CGGBP1: variants seen among roughly 807,000 people sequenced by gnomAD.
CGGBP1 encodes the protein CGG triplet repeat-binding protein 1.
CGGBP1 carries 4 observed loss-of-function variants against 11.4 expected under a neutral mutation model. The ratio of observed to expected loss-of-function variants is 0.35; its 90% CI spans 0.17 to 0.80. The LOEUF is 0.80. Among genes scored for constraint, CGGBP1 ranks in the 30% least tolerant of loss-of-function variants. CGGBP1 has a pLI of 0.52. For missense variants in CGGBP1, 135 were observed against 202.1 expected, an observed-to-expected ratio of 0.67 and a Z score of 2.01; for synonymous variants, 76 against 74.1, an observed-to-expected ratio of 1.03 and a Z score of -0.13.
chr3:88,108,701 G>A (rs1704897271), intron 2 of CGGBP1, among the ~76,000 whole-genome samples: 1 of 152,084 alleles, frequency 6.6e-6, no homozygotes, highest in East Asian at 1.9e-4. Context: ...CACAGTGCTT[G>A]TGTTCAGGTA....
intron 2 of CGGBP1, among the ~76,000 whole-genome samples, chr3:88,137,612 G>A (rs1559734880): frequency 6.6e-6 from 1 of 152,096 alleles, no homozygotes; most frequent in Non-Finnish European, 1.5e-5. Context: ...ATTCTTGGTG[G>A]AAAGAATGGG....
intron 2 of CGGBP1, among the ~76,000 whole-genome samples, chr3:88,077,810 G>C (rs184653318): frequency 2.5e-3 from 388 of 152,220 alleles, no homozygotes; most frequent in African/African-American, 9.1e-3. Flanking sequence ...GTTATTTACT[G>C]TGTGTTTAAT....
At chr3:88,102,723 C>A (rs1159174170) in intron 2 of CGGBP1, among the ~76,000 whole-genome samples, 2 of 151,376 alleles carry the variant, frequency 1.3e-5, no homozygotes, top group Non-Finnish European at 2.9e-5. Flanking sequence ...AACTTCTAAC[C>A]GGTTTTACTC....
intron 2 of CGGBP1, among the ~76,000 whole-genome samples, chr3:88,097,950 A>G (rs1231539174): frequency 6.6e-6 from 1 of 152,206 alleles, no homozygotes; most frequent in East Asian, 1.9e-4. Context: ...AACAAATTCA[A>G]AAGCTAGCAG....
chr3:88,111,653 A>G (rs1311558314), intron 2 of CGGBP1, among the ~76,000 whole-genome samples: 2 of 151,944 alleles, frequency 1.3e-5, no homozygotes, highest in Non-Finnish European at 2.9e-5. Context: ...TGTAATGTAT[A>G]TTGTTGTTTC....
intron 2 of CGGBP1, among the ~76,000 whole-genome samples, chr3:88,131,522 C>T (rs1197075821): frequency 2.6e-5 from 4 of 152,126 alleles, no homozygotes; most frequent in Non-Finnish European, 4.4e-5. Flanking sequence ...TACACAAACA[C>T]ACACACAAAC....
intron 2 of CGGBP1, among the ~76,000 whole-genome samples, chr3:88,076,837 T>G (rs1707830623): frequency 6.6e-6 from 1 of 152,188 alleles, no homozygotes; most frequent in Admixed American, 6.5e-5. Context: ...GACCTGCTAT[T>G]CATAAGAGGA....
At chr3:88,128,047 CCAG>C (rs1706224651) in intron 2 of CGGBP1, among the ~76,000 whole-genome samples, 1 of 152,078 alleles carries the variant, frequency 6.6e-6, no homozygotes, top group Non-Finnish European at 1.5e-5. Context: ...AATACGGGTT[CCAG>C]TTCCTGCTCT....
At chr3:88,113,252 C>A in intron 2 of CGGBP1, 2 of 1,094,546 alleles carry the variant, frequency 1.8e-6, no homozygotes, top group Non-Finnish European at 2.6e-6. Flanking sequence ...GACCATTATG[C>A]TCCCCCTAAA....
At chr3:88,130,940 AAAGGGATTAGGAGGTAGTGGT>A (rs1559730619) in intron 2 of CGGBP1, among the ~76,000 whole-genome samples, 1 of 152,114 alleles carries the variant, frequency 6.6e-6, no homozygotes, top group African/African-American at 2.4e-5. Context: ...TCAAATAGAG[AAAGGGATTAGGAGGTAGTGGT>A]AAGACATACA....
intron 2 of CGGBP1, among the ~76,000 whole-genome samples, chr3:88,108,652 C>T (rs573498238): frequency 2.6e-5 from 4 of 152,240 alleles, no homozygotes; most frequent in Admixed American, 6.5e-5. Flanking sequence ...TTAGTCATTT[C>T]GTAGCCCTCT....
upstream of CGGBP1, among the ~76,000 whole-genome samples, chr3:88,060,815 G>A (rs1324500651): frequency 6.6e-6 from 1 of 151,842 alleles, no homozygotes; most frequent in East Asian, 1.9e-4. Context: ...TGCTTGTAAG[G>A]GAAAGCTTGT....
At chr3:88,093,795 A>T (rs1038740808) in intron 2 of CGGBP1, among the ~76,000 whole-genome samples, 1 of 152,186 alleles carries the variant, frequency 6.6e-6, no homozygotes, top group African/African-American at 2.4e-5. Context: ...GCTTTCAACT[A>T]ATTTAGGAAA....
At chr3:88,139,709 C>T (rs1242368388) in intron 2 of CGGBP1, 10 of 1,572,928 alleles carry the variant, frequency 6.4e-6, no homozygotes, top group Non-Finnish European at 8.6e-6. Context: ...TTGAAAATGG[C>T]AGTCCTAATA....
At chr3:88,141,614 C>T (rs755679602) in intron 1 of CGGBP1, 11 of 1,442,840 alleles carry the variant, frequency 7.6e-6, no homozygotes, top group Non-Finnish European at 1.0e-5. Flanking sequence ...GTCAATAAAA[C>T]TTGCATTAAC....
chr3:88,094,192 A>C (rs1189686205), intron 2 of CGGBP1, among the ~76,000 whole-genome samples: 1 of 151,468 alleles, frequency 6.6e-6, no homozygotes, highest in Non-Finnish European at 1.5e-5. Context: ...ATTACACTAG[A>C]GTATTTTGTT....
intron 2 of CGGBP1, among the ~76,000 whole-genome samples, chr3:88,070,008 T>C (rs1707417245): frequency 6.6e-6 from 1 of 152,220 alleles, no homozygotes; most frequent in Non-Finnish European, 1.5e-5. Context: ...GACAAATCTC[T>C]CAAATTATAG....
At chr3:88,107,089 T>C (rs1450114022) in intron 2 of CGGBP1, among the ~76,000 whole-genome samples, 2 of 152,196 alleles carry the variant, frequency 1.3e-5, no homozygotes. Flanking sequence ...AATGAAATTG[T>C]CTACCCCCAG....
intron 2 of CGGBP1, among the ~76,000 whole-genome samples, chr3:88,136,601 T>G (rs1016990195): frequency 2.6e-5 from 4 of 152,098 alleles, no homozygotes; most frequent in African/African-American, 2.4e-5. Context: ...TTTTCCTCAT[T>G]TTATTATTTG....
Sources: allele counts gnomAD v4.1 joint callset (sites outside exome capture counted in the v4.1 genomes callset), GRCh38; gene constraint gnomAD v4.1.1; transcripts MANE v1.5; gene names NCBI Gene and HGNC (gene_info 2026-07-23, HGNC 2026-07-21).